The following LARP4 variants were observed in gnomAD, a reference collection of about 807,000 sequenced individuals.
LARP4 encodes the protein la-related protein 4.
A neutral mutation model predicts 92.9 loss-of-function variants in LARP4; 29 were observed. The observed-to-expected ratio is 0.31, with a 90% confidence interval of 0.23 to 0.43. LARP4 has a LOEUF of 0.43. Among genes scored for constraint, LARP4 ranks in the 20% least tolerant of loss-of-function variants. LARP4 has a pLI of 1.00. For missense variants in LARP4, 732 were observed against 860.0 expected, an observed-to-expected ratio of 0.85 and a Z score of 1.86; for synonymous variants, 279 against 284.1, an observed-to-expected ratio of 0.98 and a Z score of 0.18.
intron 1 of LARP4, among the ~76,000 whole-genome samples, chr12:50,405,000 T>A (rs1157552837): frequency 6.7e-6 from 1 of 149,444 alleles, no homozygotes; most frequent in Non-Finnish European, 1.5e-5. Flanking sequence ...TTCAAGCAGT[T>A]CTGCCTCAGC....
intron 10 of LARP4, among the ~76,000 whole-genome samples, chr12:50,457,891 G>A (rs1462427459): frequency 6.7e-6 from 1 of 149,322 alleles, no homozygotes; most frequent in Non-Finnish European, 1.5e-5. Context: ...GTAATATAAA[G>A]TAATTCTATG....
intron 5 of LARP4, among the ~76,000 whole-genome samples, chr12:50,436,219 G>T (rs1047950884): frequency 3.4e-5 from 5 of 145,312 alleles, no homozygotes; most frequent in East Asian, 2.0e-4. Flanking sequence ...GGTGTGTGGG[G>T]GTGTGTGTGT....
At chr12:50,427,631 TTTA>T (rs1225895970) in intron 1 of LARP4, 128 bp from the exon 2 acceptor site, 1 of 440,028 alleles carries the variant, frequency 2.3e-6, no homozygotes, top group South Asian at 9.3e-5. Context: ...TTTAATATTA[TTTA>T]TTATTTGTTA....
chr12:50,408,478 T>G (rs951801572), intron 1 of LARP4, among the ~76,000 whole-genome samples: 1 of 152,082 alleles, frequency 6.6e-6, no homozygotes. Context: ...ACTACAGGCA[T>G]GAGCCACCGC....
At chr12:50,422,414 T>A (rs1947958863) in intron 1 of LARP4, among the ~76,000 whole-genome samples, 1 of 152,202 alleles carries the variant, frequency 6.6e-6, no homozygotes, top group African/African-American at 2.4e-5. Context: ...TTTTCCAGTT[T>A]TCATACATTT....
chr12:50,469,358 A>G (rs1956606188), intron 13 of LARP4, among the ~76,000 whole-genome samples: 1 of 152,158 alleles, frequency 6.6e-6, no homozygotes, highest in South Asian at 2.1e-4. Context: ...TAATCCCAGC[A>G]CTTTGGGAGG....
chr12:50,446,137 G>A (rs1387441930), intron 8 of LARP4, among the ~76,000 whole-genome samples: 1 of 150,152 alleles, frequency 6.7e-6, no homozygotes, highest in East Asian at 2.0e-4. Flanking sequence ...TGAGTAGCTG[G>A]GACTACAGGC....
Position 50,427,854 on chromosome 12 carries a change from T to C in LARP4, c.111T>C (p.His37=). The C allele has an allele frequency of 6.2e-7, 1 of 1,603,776 alleles. No homozygotes were observed. The highest frequency in any genetic ancestry group is 8.5e-7 in the Non-Finnish European group (1 of 1,172,982). The change falls in exon 2 of 16, where the codon CAT becomes CAC. Residue 37 remains histidine, a synonymous_variant. Coordinates refer to ENST00000398473, the MANE Select transcript of LARP4 (RefSeq NM_052879.5). ...PGNTDATPVT[H]GTESSWHEIA... ...ATACTGATGCCACCCCAGTAACTCA[T>C]GGAACTGAAAGCTCTTGGCATGAAA... is the stretch of plus-strand genomic sequence containing the variant.
chr12:50,472,580 A>G lies in LARP4; in HGVS notation c.1546-835A>G, dbSNP rs139637647. On this transcript the variant is annotated intron_variant, in intron 13 of 15. Transcript: ENST00000398473. ...TGTTCCCAGGAGGGAGTGCCGTGGTACTATCATGGTTCACTGCAGCAGCTT... is the reference window on the plus strand; with the variant it reads ...TGTTCCCAGGAGGGAGTGCCGTGGTGCTATCATGGTTCACTGCAGCAGCTT... 2.6e-3 allele frequency among the ~76,000 whole-genome samples: 388 copies of G among 150,968 alleles called. 3 individuals are homozygous for G. Among genetic ancestry groups the G allele is most frequent in the African/African-American group, 9.0e-3 (371 of 41,042 alleles).
Position 50,478,221 on chromosome 12 carries a change from C to T in LARP4, c.*2357C>T, listed in dbSNP as rs1021928065. The T allele has an allele frequency of 4.6e-5, 7 of 152,002 alleles. No individual in the cohort carries two copies. The highest frequency in any genetic ancestry group is 1.7e-4 in the African/African-American group (7 of 41,390). 9.4% of individuals were successfully genotyped at this position (152,002 alleles called of 1,614,324 possible). On this transcript the variant is annotated 3_prime_UTR_variant, in exon 16 of 16. Coordinates refer to ENST00000398473, the MANE Select transcript of LARP4 (RefSeq NM_052879.5). ...GTAGAAATTTAATTTGTAGATATAA[C>T]CTTTAAAAATTTTCTCATTAAGACA...
intron 12 of LARP4, among the ~76,000 whole-genome samples, chr12:50,464,593 A>C (rs1024236682): frequency 5.3e-5 from 8 of 152,046 alleles, no homozygotes; most frequent in Admixed American, 1.3e-4. Flanking sequence ...GAGTTTCACC[A>C]TGTTGGCCAG....
At chr12:50,474,250 A>C in intron 15 of LARP4, 83 bp downstream of exon 15, 1 of 1,116,316 alleles carries the variant, frequency 9.0e-7, no homozygotes. Flanking sequence ...CTTTGTTAGA[A>C]CAGAGTCATT....
chr12:50,475,458 A>G (rs1593514007), intron 15 of LARP4, 68 bp from the exon 16 acceptor site: 10 of 1,329,184 alleles, frequency 7.5e-6, no homozygotes, highest in East Asian at 6.9e-5. Context: ...GGTTAACACA[A>G]TCATTTTTAT....
At chr12:50,437,646 T>C (rs1176834795) in intron 5 of LARP4, 89 bp from the exon 6 acceptor site, 6 of 707,248 alleles carry the variant, frequency 8.5e-6, no homozygotes, top group African/African-American at 1.8e-5. Context: ...ATTTACTCAG[T>C]TGGAAATTAA....
At chr12:50,403,853 G>A (rs537834805) in intron 1 of LARP4, among the ~76,000 whole-genome samples, 3 of 152,192 alleles carry the variant, frequency 2.0e-5, no homozygotes. Context: ...AGGAACGTTT[G>A]ATGTTTTTGC....
chr12:50,464,815 C>T (rs183136080), intron 12 of LARP4, among the ~76,000 whole-genome samples: 24 of 151,754 alleles, frequency 1.6e-4, no homozygotes, highest in Non-Finnish European at 1.3e-4. Flanking sequence ...CTCAGTCTCC[C>T]AAGTAGCTGG....
In LARP4 at chr12:50,479,292, T is replaced by C. The variant is rs182470356; in HGVS notation, c.*3428T>C. On this transcript the variant is annotated 3_prime_UTR_variant, in exon 16 of 16. Coordinates refer to ENST00000398473, the MANE Select transcript of LARP4 (RefSeq NM_052879.5). ...ATATTTTAAAAGTACCAATTTTGTT[T>C]TTACAGAAAAGATAAAACTCAAAAG... 24 of 152,728 alleles carry C rather than the reference T, an allele frequency of 1.6e-4. No homozygotes were observed. Among genetic ancestry groups the C allele is most frequent in the Admixed American group, 9.8e-4 (15 of 15,294 alleles). 9.5% of individuals were successfully genotyped at this position (152,728 alleles called of 1,614,324 possible). A position where few individuals can be genotyped will look rare whatever the true frequency, so the allele number is the denominator to read the frequency against.
intron 3 of LARP4, among the ~76,000 whole-genome samples, chr12:50,430,245 T>C (rs1392248256): frequency 6.6e-6 from 1 of 152,068 alleles, no homozygotes; most frequent in East Asian, 1.9e-4. Flanking sequence ...AAGTTTGTGG[T>C]CCTAGCTACT....
intron 15 of LARP4, among the ~76,000 whole-genome samples, chr12:50,474,839 A>G (rs1957373603): frequency 6.6e-6 from 1 of 152,198 alleles, no homozygotes; most frequent in Non-Finnish European, 1.5e-5. Context: ...CCCATTTATC[A>G]AGTTCCAGAA....
Sources: gnomAD v4.1 joint callset for allele counts (sites outside exome capture counted in the v4.1 genomes callset) on GRCh38, gnomAD v4.1.1 for gene constraint, MANE v1.5 for transcripts, NCBI Gene and HGNC (gene_info 2026-07-23, HGNC 2026-07-21) for gene names.